SORCS3: variants seen among roughly 807,000 people sequenced by gnomAD.
SORCS3 encodes the protein sortilin related VPS10 domain containing receptor 3, also known as VPS10 domain-containing receptor SorCS3.
In SORCS3, 57 loss-of-function variants were observed where a neutral mutation model predicts 146.3. The observed-to-expected ratio is 0.39, with a 90% CI of 0.31 to 0.49. SORCS3 has a LOEUF of 0.49. Among genes scored for constraint, SORCS3 ranks in the 20% least tolerant of loss-of-function variants. SORCS3 has a pLI of 0.92. For synonymous variants in SORCS3, 653 were observed against 618.5 expected, an observed-to-expected ratio of 1.06 and a Z score of -0.83; for missense variants, 1,341 against 1,575.5, an observed-to-expected ratio of 0.85 and a Z score of 2.52.
chr10:105,145,911 TTA>T (rs1209659106), intron 8 of SORCS3, among the ~76,000 whole-genome samples: 1 of 152,104 alleles, frequency 6.6e-6, no homozygotes, highest in African/African-American at 2.4e-5. Context: ...GTTTACTCCT[TTA>T]TAAATCATCT....
chr10:104,890,147 T>C (rs1012000189), intron 2 of SORCS3, among the ~76,000 whole-genome samples: 6 of 152,172 alleles, frequency 3.9e-5, no homozygotes, highest in African/African-American at 1.4e-4. Context: ...TGTTGTTTTA[T>C]TCATGATTCT....
chr10:104,965,755 A>AT (rs1564723868), intron 3 of SORCS3, among the ~76,000 whole-genome samples: 2 of 152,068 alleles, frequency 1.3e-5, no homozygotes, highest in African/African-American at 4.8e-5. Context: ...TCCTTTGCCC[A>AT]TTTTTTAAAT....
chr10:105,149,198 A>G (rs559875088), intron 9 of SORCS3, among the ~76,000 whole-genome samples: 2 of 152,194 alleles, frequency 1.3e-5, no homozygotes, highest in Non-Finnish European at 2.9e-5. Flanking sequence ...AGAATGGACT[A>G]ATACACTGAG....
chr10:104,656,758 T>TA (rs1421964654), intron 1 of SORCS3, among the ~76,000 whole-genome samples: 3 of 152,000 alleles, frequency 2.0e-5, no homozygotes, highest in Non-Finnish European at 2.9e-5. Flanking sequence ...AAATGTACAT[T>TA]AAAAAATCAC....
At chr10:104,826,365 A>C (rs1165434920) in intron 1 of SORCS3, among the ~76,000 whole-genome samples, 9 of 152,172 alleles carry the variant, frequency 5.9e-5, no homozygotes, top group African/African-American at 2.2e-4. Flanking sequence ...TCTACACCCC[A>C]TTAGGTACAG....
chr10:104,726,070 C>T (rs959215708), intron 1 of SORCS3, among the ~76,000 whole-genome samples: 5 of 152,242 alleles, frequency 3.3e-5, no homozygotes, highest in African/African-American at 1.2e-4. Flanking sequence ...GCATCGCTCA[C>T]GCTGGGTGCT....
intron 1 of SORCS3, among the ~76,000 whole-genome samples, chr10:104,795,757 A>G (rs1415874382): frequency 6.6e-6 from 1 of 152,248 alleles, no homozygotes; most frequent in Non-Finnish European, 1.5e-5. Context: ...TGGGAGCTGA[A>G]GAGCTGCAGT....
At chr10:105,077,982 T>C (rs1354975384) in intron 5 of SORCS3, among the ~76,000 whole-genome samples, 1 of 152,226 alleles carries the variant, frequency 6.6e-6, no homozygotes, top group East Asian at 1.9e-4. Flanking sequence ...CCGTGTTCAT[T>C]TGAGCTGGAT....
intron 1 of SORCS3, among the ~76,000 whole-genome samples, chr10:104,834,311 G>A (rs1296329124): frequency 1.3e-5 from 2 of 152,116 alleles, no homozygotes; most frequent in African/African-American, 4.8e-5. Flanking sequence ...TGCTTCTCAA[G>A]GCCCAGTGAG....
At chr10:104,923,773 C>T (rs939383242) in intron 3 of SORCS3, among the ~76,000 whole-genome samples, 1 of 152,306 alleles carries the variant, frequency 6.6e-6, no homozygotes, top group Non-Finnish European at 1.5e-5. Flanking sequence ...TTTTTCTCTT[C>T]GTAACATGTG....
chr10:104,764,185 C>CA (rs911287447), intron 1 of SORCS3, among the ~76,000 whole-genome samples: 23 of 151,976 alleles, frequency 1.5e-4, no homozygotes, highest in African/African-American at 5.3e-4. Context: ...ACATTCAGAG[C>CA]AAAAAAACCT....
chr10:104,966,297 C>T (rs2054825943), intron 3 of SORCS3, among the ~76,000 whole-genome samples: 1 of 152,148 alleles, frequency 6.6e-6, no homozygotes, highest in Non-Finnish European at 1.5e-5. Flanking sequence ...AAAGCCGTAT[C>T]TACAGTAGGC....
chr10:104,760,140 G>A (rs1355764576), intron 1 of SORCS3, among the ~76,000 whole-genome samples: 1 of 152,134 alleles, frequency 6.6e-6, no homozygotes, highest in Non-Finnish European at 1.5e-5. Context: ...GTTCAGGATG[G>A]AGTGCTTGGA....
intron 22 of SORCS3, among the ~76,000 whole-genome samples, chr10:105,251,047 C>T (rs970104622): frequency 2.6e-5 from 4 of 152,208 alleles, no homozygotes; most frequent in Non-Finnish European, 5.9e-5. Context: ...AGACCCCAGA[C>T]AGAAATATCT....
chr10:105,039,404 G>A (rs1040900331), intron 4 of SORCS3, among the ~76,000 whole-genome samples: 7 of 151,470 alleles, frequency 4.6e-5, no homozygotes, highest in Non-Finnish European at 1.0e-4. Flanking sequence ...CAAGGTAGGA[G>A]GTGAAACAGG....
intron 20 of SORCS3, among the ~76,000 whole-genome samples, chr10:105,232,888 A>G (rs1029314100): frequency 6.6e-6 from 1 of 152,012 alleles, no homozygotes; most frequent in Non-Finnish European, 1.5e-5. Context: ...GAGAGCCGAC[A>G]TTGTATGATT....
At chr10:105,061,963 A>C (rs1050112560) in intron 5 of SORCS3, among the ~76,000 whole-genome samples, 1 of 152,186 alleles carries the variant, frequency 6.6e-6, no homozygotes, top group African/African-American at 2.4e-5. Context: ...GACCCAGCTG[A>C]GAGCCATGAG....
chr10:104,874,654 C>T (rs1328199855), intron 2 of SORCS3, among the ~76,000 whole-genome samples: 1 of 152,022 alleles, frequency 6.6e-6, no homozygotes, highest in Non-Finnish European at 1.5e-5. Context: ...CTATATATTC[C>T]AGCTTTGTGA....
chr10:104,813,929 C>CTTTTTTT (rs35625517), intron 1 of SORCS3, among the ~76,000 whole-genome samples: 1 of 116,156 alleles, frequency 8.6e-6, no homozygotes, highest in Non-Finnish European at 1.9e-5. Context: ...TCTTTTCTTT[C>CTTTTTTT]TTTTTTTTTT....
Sources: allele counts gnomAD v4.1 joint callset (sites outside exome capture counted in the v4.1 genomes callset), GRCh38; gene constraint gnomAD v4.1.1; transcripts MANE v1.5; gene names NCBI Gene and HGNC (gene_info 2026-07-23, HGNC 2026-07-21).